Variants in MEIS3 observed in about 807,000 individuals in gnomAD.
The protein encoded by MEIS3 is homeobox protein Meis3.
A neutral mutation model predicts 51.4 loss-of-function variants in MEIS3; 38 were observed. The observed-to-expected ratio is 0.74, with a 90% CI of 0.57 to 0.97. MEIS3 has a LOEUF of 0.97. Among genes scored for constraint, MEIS3 ranks in the 50% least tolerant of loss-of-function variants. MEIS3 has a pLI of 0.00. For synonymous variants in MEIS3, 198 were observed against 201.8 expected (o/e 0.98, Z 0.16); for missense variants, 456 against 502.6 (o/e 0.91, Z 0.89).
At chr19:47,407,285 T>C in intron 9 of MEIS3, 67 bp downstream of exon 9, 1 of 1,568,222 alleles carries the variant, frequency 6.4e-7, no homozygotes, top group Non-Finnish European at 8.7e-7. Flanking sequence ...GGGGCCTCCG[T>C]CAGCACCGCG....
Position 47,414,882 on chromosome 19 carries a change from G to T in MEIS3, c.448-16C>A, listed in dbSNP as rs758650629. 1.9e-6 allele frequency: 3 copies of T among 1,597,774 alleles called. No individual in the cohort carries two copies. The highest frequency in any genetic ancestry group is 2.6e-6 in the Non-Finnish European group (3 of 1,167,968). ...GGTCGTGGACCTGGGGGGGCACCGG[G>T]GTACTGGGGGGGGCCACCCACGGGG... is the stretch of plus-strand genomic sequence containing the variant. On this transcript the variant is annotated splice_polypyrimidine_tract_variant and intron_variant, in intron 5 of 12. Transcript: ENST00000558555.
intron 11 of MEIS3, 150 bp from the exon 12 acceptor site, chr19:47,406,676 G>C: frequency 1.1e-6 from 1 of 901,126 alleles, no homozygotes; most frequent in South Asian, 1.7e-5. Flanking sequence ...AGAAAAAGTG[G>C]AGCCTTCCGA....
At position 47,419,054 on chromosome 19, in the gene MEIS3, C is replaced by T; in HGVS notation, c.12+16G>A. 1 of 1,245,298 alleles carries T rather than the reference C, an allele frequency of 8.0e-7. No homozygotes were observed. The highest frequency in any genetic ancestry group is 1.0e-6 in the Non-Finnish European group (1 of 996,010). 77.1% of individuals were successfully genotyped at this position (1,245,298 alleles called of 1,614,324 possible). A position where few individuals can be genotyped will look rare whatever the true frequency, so the allele number is the denominator to read the frequency against. ...CGGAAGCGGCCGGGACGCGGGGTCC[C>T]CGCCCCGAGACCTACCCTCCGGGCC... is the stretch of plus-strand genomic sequence containing the variant. On this transcript the variant is annotated intron_variant, in intron 1 of 12. Coordinates refer to ENST00000558555, the MANE Select transcript of MEIS3 (RefSeq NM_001301059.2).
chr19:47,407,717 A>AG, intron 8 of MEIS3: 1 of 439,040 alleles, frequency 2.3e-6, no homozygotes. Flanking sequence ...GGCGTGGGGG[A>AG]GGGGCTTCAC....
rs1380477296 is a variant in MEIS3, at chr19:47,409,168, G to A, written c.789C>T (p.Asn263=). 2.5e-6 allele frequency: 4 copies of A among 1,612,486 alleles called. No individual in the cohort carries two copies. The highest frequency in any genetic ancestry group is 4.5e-5 in the East Asian group (2 of 44,856). Residue 263 remains asparagine (N), a synonymous_variant, in exon 8 of 13, where the codon AAC becomes AAT. Coordinates refer to ENST00000558555, the MANE Select transcript of MEIS3 (RefSeq NM_001301059.2). ...CCTTGGGGAAGATCCCCCTCTTCTT[G>A]TTTCGCCGTCGCTCCTGGTCCAAGT... ...DEDLDQERRR[N]KKRGIFPKVA... is the part of the protein sequence containing the mutation.
At chr19:47,407,165 G>C (rs369645826) in intron 9 of MEIS3, 28 bp from the exon 10 acceptor site, 2 of 1,599,636 alleles carry the variant, frequency 1.3e-6, no homozygotes, top group Admixed American at 1.8e-5. Context: ...AAACGGAGGG[G>C]AATGAAAAGA....
At chr19:47,417,120 C>T in intron 2 of MEIS3, 58 bp downstream of exon 2, 1 of 1,539,368 alleles carries the variant, frequency 6.5e-7, no homozygotes, top group Non-Finnish European at 8.7e-7. Flanking sequence ...ACCCAGGGAG[C>T]AAAGAAGCAG....
chr19:47,408,178 G>A (rs901115164), intron 8 of MEIS3, among the ~76,000 whole-genome samples: 1 of 151,530 alleles, frequency 6.6e-6, no homozygotes, highest in African/African-American at 2.4e-5. Context: ...TCAGGCTGGA[G>A]TGCAGTGGCG....
At position 47,419,224 on chromosome 19, in the gene MEIS3, G is replaced by C. The variant is rs1401176146; in HGVS notation, c.-143C>G. The C allele has an allele frequency of 4.2e-6, 2 of 473,888 alleles. No homozygotes were observed. Among genetic ancestry groups the C allele is most frequent in the Admixed American group, 9.5e-5 (2 of 21,098 alleles). The allele number at this position is 473,888 out of a possible 1,614,324, so 29.4% of individuals were successfully genotyped here. A position where few individuals can be genotyped will look rare whatever the true frequency, so the allele number is the denominator to read the frequency against. ...GCCAGGCGCGCGCCCCCCCACCCCC[G>C]CCGCCGTCAGCGGCAGGCGCCGGGC... is the stretch of plus-strand genomic sequence containing the variant. On this transcript the variant is annotated 5_prime_UTR_variant, in exon 1 of 13. Transcript: ENST00000558555.
chr19:47,407,017 G>A, intron 10 of MEIS3, 46 bp from the exon 11 acceptor site: 1 of 1,580,098 alleles, frequency 6.3e-7, no homozygotes, highest in Non-Finnish European at 8.6e-7. Flanking sequence ...AGGAAGCCCG[G>A]GACCCGGCTT....
chr19:47,417,461 C>G (rs1459738223), intron 1 of MEIS3, 111 bp from the exon 2 acceptor site: 17 of 1,323,088 alleles, frequency 1.3e-5, no homozygotes, highest in Non-Finnish European at 1.8e-5. Context: ...TTCTGTGTCC[C>G]AGAAACCTGC....
upstream of MEIS3, among the ~76,000 whole-genome samples, chr19:47,420,636 C>A (rs1191024144): frequency 6.8e-6 from 1 of 147,150 alleles, no homozygotes; most frequent in Non-Finnish European, 1.5e-5. Context: ...CCAATAGAGA[C>A]CCTGGAGTCG....
At chr19:47,407,832 G>C (rs1446375420) in intron 8 of MEIS3, among the ~76,000 whole-genome samples, 1 of 152,102 alleles carries the variant, frequency 6.6e-6, no homozygotes, top group Non-Finnish European at 1.5e-5. Flanking sequence ...TATTTGAGAT[G>C]GAGTCTTGCT....
chr19:47,422,223 CG>C (rs1971731670), upstream of MEIS3, among the ~76,000 whole-genome samples: 2 of 152,176 alleles, frequency 1.3e-5, no homozygotes, highest in South Asian at 4.2e-4. Context: ...GGGAAGGACC[CG>C]GCCTGACCCG....
Position 47,417,495 on chromosome 19 carries a change from C to T in MEIS3, c.13-145G>A, listed in dbSNP as rs1200694121. 20 of 1,047,412 alleles carry T rather than the reference C, an allele frequency of 1.9e-5. 1 individual carries two copies. Among genetic ancestry groups the T allele is most frequent in the Non-Finnish European group, 2.7e-5 (19 of 693,406 alleles). The allele number at this position is 1,047,412 out of a possible 1,614,324, so 64.9% of individuals were successfully genotyped here. On this transcript the variant is annotated intron_variant, in intron 1 of 12. Coordinates refer to ENST00000558555, the MANE Select transcript of MEIS3 (RefSeq NM_001301059.2). Reference sequence around the variant, plus strand: ...GCCTGTGGTCCCCAGGTGTCTGAGCCCCCAAGCTTGAAGCCCTCCAGGTCC... The same window carrying T: ...GCCTGTGGTCCCCAGGTGTCTGAGCTCCCAAGCTTGAAGCCCTCCAGGTCC...
At chr19:47,407,268 G>C (rs1177832748) in intron 9 of MEIS3, 84 bp downstream of exon 9, 7 of 1,517,864 alleles carry the variant, frequency 4.6e-6, no homozygotes, top group Non-Finnish European at 6.2e-6. Flanking sequence ...GTGGCTCTGC[G>C]GGGCTCGGGG....
At chr19:47,414,919 G>A (rs1217339485) in intron 5 of MEIS3, 53 bp from the exon 6 acceptor site, 2 of 1,246,762 alleles carry the variant, frequency 1.6e-6, no homozygotes, top group Non-Finnish European at 1.1e-6. Flanking sequence ...CAGGGCGGGG[G>A]TGCTCAGGGA....
chr19:47,407,481 C>G, intron 8 of MEIS3, 53 bp from the exon 9 acceptor site: 1 of 1,613,330 alleles, frequency 6.2e-7, no homozygotes. Context: ...GCAGTCTGAA[C>G]CCCAAGGTCT....
chr19:47,417,613 C>A (rs965796231), intron 1 of MEIS3: 1 of 702,962 alleles, frequency 1.4e-6, no homozygotes, highest in Non-Finnish European at 2.6e-6. Context: ...ACGGCAGGGT[C>A]TGGCTGGGAG....
Sources: allele counts gnomAD v4.1 joint callset (sites outside exome capture counted in the v4.1 genomes callset), GRCh38; gene constraint gnomAD v4.1.1; transcripts MANE v1.5; gene names NCBI Gene and HGNC (gene_info 2026-07-23, HGNC 2026-07-21).